Variants in LEKR1 observed in about 807,000 individuals in gnomAD.
LEKR1 encodes leucine, glutamate and lysine rich 1, also known as protein LEKR1.
In LEKR1, 59 loss-of-function variants were observed where a neutral mutation model predicts 72.4. That is an observed-to-expected ratio of 0.82 (90% CI 0.66 to 1.01). LEKR1 has a LOEUF of 1.01. Among genes scored for constraint, LEKR1 ranks in the 50% least tolerant of loss-of-function variants. The pLI is 0.00. For synonymous variants in LEKR1, 257 were observed against 263.2 expected (o/e 0.98, Z 0.23); for missense variants, 728 against 759.2 (o/e 0.96, Z 0.48).
intron 12 of LEKR1, among the ~76,000 whole-genome samples, chr3:157,043,873 T>C (rs1359760816): frequency 6.6e-6 from 1 of 152,224 alleles, no homozygotes; most frequent in Non-Finnish European, 1.5e-5. Context: ...TGTCATGTAG[T>C]AAATAAATCG....
intron 4 of LEKR1, among the ~76,000 whole-genome samples, chr3:156,926,795 A>T (rs1005702705): frequency 1.3e-5 from 2 of 151,972 alleles, no homozygotes; most frequent in African/African-American, 4.8e-5. Context: ...CTACTCAGGG[A>T]TGTAAATATT....
intron 6 of LEKR1, among the ~76,000 whole-genome samples, chr3:156,978,746 G>A (rs1235491314): frequency 1.3e-5 from 2 of 152,072 alleles, no homozygotes; most frequent in Non-Finnish European, 1.5e-5. Flanking sequence ...TTTACTATGA[G>A]CCTGGAACAT....
intron 2 of LEKR1, among the ~76,000 whole-genome samples, chr3:156,837,304 C>T (rs1713277096): frequency 6.6e-6 from 1 of 152,172 alleles, no homozygotes; most frequent in South Asian, 2.1e-4. Flanking sequence ...AAGACTCACC[C>T]AAAGGCATGA....
intron 3 of LEKR1, among the ~76,000 whole-genome samples, chr3:156,909,638 AGAGT>A (rs1722910456): frequency 7.2e-6 from 1 of 139,364 alleles, no homozygotes; most frequent in Admixed American, 7.5e-5. Flanking sequence ...GAGAGGCGAC[AGAGT>A]GAGAGTCTGT....
At chr3:156,870,749 A>G (rs896821076) in intron 3 of LEKR1, among the ~76,000 whole-genome samples, 4 of 152,044 alleles carry the variant, frequency 2.6e-5, no homozygotes, top group African/African-American at 9.7e-5. Context: ...TCCTTGTCTT[A>G]TTCCACTTCT....
At chr3:156,828,368 G>A (rs1391984758) in intron 1 of LEKR1, among the ~76,000 whole-genome samples, 1 of 152,152 alleles carries the variant, frequency 6.6e-6, no homozygotes, top group Non-Finnish European at 1.5e-5. Flanking sequence ...ATCCTGCCCT[G>A]ATTGAATACA....
intron 3 of LEKR1, among the ~76,000 whole-genome samples, chr3:156,907,708 A>C (rs536521371): frequency 6.6e-6 from 1 of 152,262 alleles, no homozygotes; most frequent in Admixed American, 6.5e-5. Context: ...TTTCAGATAC[A>C]CAACTTCCCA....
chr3:156,999,408 CT>C (rs1252766515), intron 9 of LEKR1, among the ~76,000 whole-genome samples: 1 of 152,130 alleles, frequency 6.6e-6, no homozygotes, highest in African/African-American at 2.4e-5. Flanking sequence ...CCTCCCCTCC[CT>C]TTTTCTCCCC....
At position 156,920,625 on chromosome 3, in the gene LEKR1, A is replaced by G; in HGVS notation, c.314A>G (p.Lys105Arg). ...QLKSQQNEFQ[K>R]VKKQLSHLQD... ...AAAAGTCAACAAAATGAATTTCAGA[A>G]AGTAAAGAAACAACTGAGTCATTTG... Residue 105 changes from lysine (K) to arginine (R), a missense_variant, in exon 4 of 13, where the codon AAA (lysine) becomes AGA (arginine). Lys to Arg is a conservative substitution (Grantham distance 26, BLOSUM62 2). Coordinates refer to ENST00000356539, the MANE Select transcript of LEKR1 (RefSeq NM_001004316.3). The G allele has an allele frequency of 6.8e-7, 1 of 1,464,214 alleles. No individual in the cohort carries two copies. Among genetic ancestry groups the G allele is most frequent in the South Asian group, 1.3e-5 (1 of 79,280 alleles). The allele number at this position is 1,464,214 out of a possible 1,614,324, so 90.7% of individuals were successfully genotyped here. A position where few individuals can be genotyped will look rare whatever the true frequency, so the allele number is the denominator to read the frequency against.
At chr3:156,952,045 T>G (rs1272172007) in intron 6 of LEKR1, among the ~76,000 whole-genome samples, 1 of 151,702 alleles carries the variant, frequency 6.6e-6, no homozygotes. Context: ...TACTTGTACT[T>G]GTCACTTGAA....
At chr3:157,027,077 T>A (rs1734236969) in intron 11 of LEKR1, among the ~76,000 whole-genome samples, 1 of 152,188 alleles carries the variant, frequency 6.6e-6, no homozygotes, top group African/African-American at 2.4e-5. Flanking sequence ...TTAAATTCAG[T>A]TCCTTGGTCA....
At chr3:156,873,896 A>T (rs893189564) in intron 3 of LEKR1, among the ~76,000 whole-genome samples, 1 of 152,026 alleles carries the variant, frequency 6.6e-6, no homozygotes, top group Non-Finnish European at 1.5e-5. Flanking sequence ...CCTTTAAGTG[A>T]TTAGACACTT....
intron 12 of LEKR1, among the ~76,000 whole-genome samples, chr3:157,038,940 C>G (rs1344375903): frequency 6.6e-6 from 1 of 152,188 alleles, no homozygotes; most frequent in Non-Finnish European, 1.5e-5. Flanking sequence ...TGAGCTACAG[C>G]ATTTTTTTCT....
intron 8 of LEKR1, 135 bp from the exon 9 acceptor site, chr3:156,992,939 T>G: frequency 1.9e-6 from 1 of 535,962 alleles, no homozygotes. Flanking sequence ...AGAACCATTC[T>G]TTTTTTAAAA....
intron 3 of LEKR1, chr3:156,888,436 T>C: frequency 1.5e-6 from 1 of 688,286 alleles, no homozygotes; most frequent in Non-Finnish European, 2.7e-6. Flanking sequence ...TTAATAACTT[T>C]GTTTTTGCAA....
intron 6 of LEKR1, among the ~76,000 whole-genome samples, chr3:156,965,472 G>A (rs1309718543): frequency 2.6e-5 from 4 of 152,136 alleles, no homozygotes; most frequent in South Asian, 2.1e-4. Flanking sequence ...CCTTAGCTTG[G>A]TTTAATCTAC....
At chr3:156,998,326 A>G (rs1459497572) in intron 9 of LEKR1, among the ~76,000 whole-genome samples, 5 of 152,162 alleles carry the variant, frequency 3.3e-5, no homozygotes, top group Non-Finnish European at 5.9e-5. Context: ...GTACAAATAT[A>G]TTTTATAAGG....
At chr3:156,913,573 C>A (rs1305022033) in intron 3 of LEKR1, among the ~76,000 whole-genome samples, 1 of 152,144 alleles carries the variant, frequency 6.6e-6, no homozygotes, top group Non-Finnish European at 1.5e-5. Context: ...TATCTCTGAT[C>A]TCAGTGGTAC....
At chr3:156,834,805 A>G (rs1174165309) in intron 2 of LEKR1, among the ~76,000 whole-genome samples, 1 of 152,260 alleles carries the variant, frequency 6.6e-6, no homozygotes, top group East Asian at 1.9e-4. Context: ...GACAGAATTC[A>G]GTCTGCCTAC....
Sources: allele counts gnomAD v4.1 joint callset (sites outside exome capture counted in the v4.1 genomes callset), GRCh38; gene constraint gnomAD v4.1.1; transcripts MANE v1.5; gene names NCBI Gene and HGNC (gene_info 2026-07-23, HGNC 2026-07-21).